TLE4: variants seen among roughly 807,000 people sequenced by gnomAD.
TLE4 encodes transducin-like enhancer protein 4.
Under a neutral mutation model 92.8 loss-of-function variants are expected in TLE4, and 8 were observed. The ratio of observed to expected loss-of-function variants is 0.09; its 90% confidence interval spans 0.05 to 0.16. TLE4 has a LOEUF of 0.16. TLE4 is among the 10% of genes least tolerant of loss of function. TLE4 has a pLI of 1.00. For synonymous variants in TLE4, 371 were observed against 374.1 expected (o/e 0.99, Z 0.10); for missense variants, 675 against 997.6 (o/e 0.68, Z 4.36).
Position 79,706,895 on chromosome 9 carries a change from G to A in TLE4, c.932G>A (p.Ser311Asn), listed in dbSNP as rs947539048. 4.3e-6 allele frequency: 7 copies of A among 1,613,934 alleles called. 1 individual carries two copies. The Middle Eastern group carries it at 4.9e-4, about 114-fold the overall frequency. Residue 311 changes from serine to asparagine, a missense_variant, in exon 11 of 20, where the codon AGC (serine) becomes AAC (asparagine). By Grantham distance (46) the Ser-to-Asn change is conservative. Transcript: ENST00000376552. ...CCCTCCTCCAAATCCAAAGAACTTAGCCTTGTAAGCAGCTCCTTACCATCT... is the reference window on the plus strand; with the variant it reads ...CCCTCCTCCAAATCCAAAGAACTTAACCTTGTAAGCAGCTCCTTACCATCT... ...STPSSKSKEL[S>N]LNEKSTTPVS...
chr9:79,669,778 A>C (rs1048860242), intron 8 of TLE4, among the ~76,000 whole-genome samples: 1 of 152,208 alleles, frequency 6.6e-6, no homozygotes, highest in South Asian at 2.1e-4. Flanking sequence ...TGAGTTTGTT[A>C]AAAGTGGGAA....
intron 6 of TLE4, among the ~76,000 whole-genome samples, chr9:79,642,926 T>G (rs1020659184): frequency 6.6e-6 from 1 of 152,198 alleles, no homozygotes; most frequent in Admixed American, 6.5e-5. Context: ...CTTGGATTGC[T>G]CTAAATGCAT....
At chr9:79,598,258 A>AC (rs1184124280) in intron 4 of TLE4, among the ~76,000 whole-genome samples, 1 of 151,488 alleles carries the variant, frequency 6.6e-6, no homozygotes, top group Non-Finnish European at 1.5e-5. Context: ...CAAAAAAAAA[A>AC]AAAAGAAAAA....
chr9:79,689,418 C>T, intron 8 of TLE4, among the ~76,000 whole-genome samples: 1 of 151,382 alleles, frequency 6.6e-6, no homozygotes, highest in Non-Finnish European at 1.5e-5. Context: ...CGATGAGTAT[C>T]CTTGGCTTTT....
chr9:79,666,055 G>A (rs1034721106), intron 8 of TLE4, among the ~76,000 whole-genome samples: 15 of 152,008 alleles, frequency 9.9e-5, no homozygotes, highest in Non-Finnish European at 1.9e-4. Flanking sequence ...GTAGACACTG[G>A]TGGTAAAAAG....
intron 8 of TLE4, among the ~76,000 whole-genome samples, chr9:79,698,615 A>T (rs2068888201): frequency 6.6e-6 from 1 of 152,180 alleles, no homozygotes; most frequent in South Asian, 2.1e-4. Flanking sequence ...TGACTTCCTT[A>T]ATCAAGCAGG....
chr9:79,724,987 G>T (rs2076247451), intron 19 of TLE4, 50 bp from the exon 20 acceptor site: 1 of 1,423,900 alleles, frequency 7.0e-7, no homozygotes, highest in South Asian at 1.1e-5. Context: ...CCATACTCAT[G>T]GGATTTTCTT....
At chr9:79,592,913 A>G (rs751140404) in intron 4 of TLE4, among the ~76,000 whole-genome samples, 10 of 152,246 alleles carry the variant, frequency 6.6e-5, no homozygotes, top group Non-Finnish European at 1.2e-4. Context: ...AGAAATAATT[A>G]TTCCCATTGT....
At position 79,725,991 on chromosome 9, in the gene TLE4, T is replaced by C. The variant is rs1367593104; in HGVS notation, c.*847T>C. ...CCACATTTCTTTGCAAAAGGAGATA[T>C]ATATATCTTTAGTCAGTTTTGTTGT... On this transcript the variant is annotated 3_prime_UTR_variant, in exon 20 of 20. Coordinates refer to ENST00000376552, the MANE Select transcript of TLE4 (RefSeq NM_007005.6). 3 of 152,620 alleles carry C rather than the reference T, an allele frequency of 2.0e-5. No homozygotes were observed. The highest frequency in any genetic ancestry group is 2.9e-5 in the Non-Finnish European group (2 of 68,038). 9.5% of individuals were successfully genotyped at this position (152,620 alleles called of 1,614,324 possible). A position where few individuals can be genotyped will look rare whatever the true frequency, so the allele number is the denominator to read the frequency against.
chr9:79,632,914 T>C (rs2054692333), intron 6 of TLE4, among the ~76,000 whole-genome samples: 1 of 152,200 alleles, frequency 6.6e-6, no homozygotes, highest in African/African-American at 2.4e-5. Flanking sequence ...GGGAAGGGGC[T>C]GGCTTGAAGA....
At chr9:79,659,279 C>A (rs1376491873) in intron 8 of TLE4, among the ~76,000 whole-genome samples, 1 of 152,214 alleles carries the variant, frequency 6.6e-6, no homozygotes, top group African/African-American at 2.4e-5. Flanking sequence ...CAACTAGGTA[C>A]AAGAGCTATC....
At chr9:79,617,641 C>G (rs2049959048) in intron 5 of TLE4, among the ~76,000 whole-genome samples, 1 of 152,148 alleles carries the variant, frequency 6.6e-6, no homozygotes, top group Non-Finnish European at 1.5e-5. Context: ...AGGACTAAAT[C>G]TTGGCTCAGC....
At chr9:79,650,044 T>G (rs1011478087) in intron 6 of TLE4, among the ~76,000 whole-genome samples, 1 of 151,920 alleles carries the variant, frequency 6.6e-6, no homozygotes, top group Non-Finnish European at 1.5e-5. Flanking sequence ...GCCTCCTGAG[T>G]AGCTGGGACT....
At position 79,722,467 on chromosome 9, in the gene TLE4, A is replaced by C; in HGVS notation, c.2003A>C (p.Tyr668Ser). The C allele has an allele frequency of 6.2e-7, 1 of 1,614,144 alleles. No homozygotes were observed. Among genetic ancestry groups the C allele is most frequent in the South Asian group, 1.1e-5 (1 of 91,062 alleles). The stretch of plus-strand genomic sequence containing the variant: ...TAATTCTAGATCTTTTCTCTGGGCT[A>C]CTGCCCAACTGGAGAGTGGCTTGCA... Reference protein sequence around the residue: ...DFTSQIFSLGYCPTGEWLAVG... With the variant: ...DFTSQIFSLGSCPTGEWLAVG... Residue 668 changes from tyrosine (Y) to serine (S), a missense_variant, in exon 18 of 20, where the codon TAC (tyrosine) becomes TCC (serine). Tyr to Ser is a moderately radical substitution (Grantham distance 144). Coordinates refer to ENST00000376552, the MANE Select transcript of TLE4 (RefSeq NM_007005.6).
intron 9 of TLE4, 73 bp downstream of exon 9, chr9:79,704,975 A>AT: frequency 6.3e-7 from 1 of 1,586,624 alleles, no homozygotes; most frequent in Non-Finnish European, 8.6e-7. Flanking sequence ...CCCTTTGACT[A>AT]TTACCAGCCA....
At chr9:79,687,796 G>A (rs966017614) in intron 8 of TLE4, among the ~76,000 whole-genome samples, 17 of 152,166 alleles carry the variant, frequency 1.1e-4, no homozygotes, top group African/African-American at 3.4e-4. Flanking sequence ...TCAGCCCTTT[G>A]TGACCTTGCA....
intron 5 of TLE4, among the ~76,000 whole-genome samples, chr9:79,622,557 G>C (rs995389050): frequency 6.6e-6 from 1 of 152,132 alleles, no homozygotes; most frequent in South Asian, 2.1e-4. Flanking sequence ...GTAGCATCCT[G>C]TAATTTTTCT....
At chr9:79,633,649 T>G (rs927842681) in intron 6 of TLE4, among the ~76,000 whole-genome samples, 3 of 152,186 alleles carry the variant, frequency 2.0e-5, no homozygotes, top group Non-Finnish European at 2.9e-5. Context: ...TAAGGCAACC[T>G]GCAAGCTTGC....
At chr9:79,648,770 G>T (rs1007207161) in intron 6 of TLE4, among the ~76,000 whole-genome samples, 3 of 152,166 alleles carry the variant, frequency 2.0e-5, no homozygotes, top group Non-Finnish European at 4.4e-5. Context: ...CCAGTAACTT[G>T]AGCCAGTAGA....
Sources: gnomAD v4.1 joint callset for allele counts (sites outside exome capture counted in the v4.1 genomes callset) on GRCh38, gnomAD v4.1.1 for gene constraint, MANE v1.5 for transcripts, NCBI Gene and HGNC (gene_info 2026-07-23, HGNC 2026-07-21) for gene names.